The following GREB1 variants were observed in gnomAD, a reference collection of about 807,000 sequenced individuals.
GREB1 encodes protein GREB1.
In GREB1, 106 loss-of-function variants were observed where a neutral mutation model predicts 200.7. The observed-to-expected ratio is 0.53, with a 90% CI of 0.45 to 0.62. The LOEUF is 0.62. GREB1 is among the 20% of genes least tolerant of loss of function. The pLI is 0.00. For missense variants in GREB1, 2,243 were observed against 2,556.8 expected, an observed-to-expected ratio of 0.88 and a Z score of 2.65; for synonymous variants, 1,132 against 1,092.4, an observed-to-expected ratio of 1.04 and a Z score of -0.72.
chr2:11,629,860 C>A lies in GREB1; in HGVS notation c.4450-88C>A. ...GTAGGGAAGTGGTGACTGTGAGCTGCACGTTGTCACAGCAGAGTGGGCCTG... is the reference window on the plus strand; with the variant it reads ...GTAGGGAAGTGGTGACTGTGAGCTGAACGTTGTCACAGCAGAGTGGGCCTG... On this transcript the variant is annotated intron_variant, in intron 25 of 32. Coordinates refer to ENST00000381486, the MANE Select transcript of GREB1 (RefSeq NM_014668.4). The surrounding 1 kb of genome is among the most constrained non-coding windows in gnomAD (Gnocchi z 5.2). 2 of 1,307,488 alleles carry A rather than the reference C, an allele frequency of 1.5e-6. No individual in the cohort carries two copies. Among genetic ancestry groups the A allele is most frequent in the Non-Finnish European group, 2.2e-6 (2 of 922,440 alleles). The allele number at this position is 1,307,488 out of a possible 1,614,324, so 81.0% of individuals were successfully genotyped here.
chr2:11,519,226 T>A (rs1673620559), intron 1 of GREB1, among the ~76,000 whole-genome samples: 1 of 152,098 alleles, frequency 6.6e-6, no homozygotes, highest in African/African-American at 2.4e-5. Context: ...AGTAGTTTAA[T>A]AAAATTTAGA....
intron 4 of GREB1, among the ~76,000 whole-genome samples, chr2:11,574,124 C>T (rs1363017266): frequency 6.6e-6 from 1 of 152,200 alleles, no homozygotes; most frequent in Non-Finnish European, 1.5e-5. Flanking sequence ...CTTCAGAGTG[C>T]TTACAGAAAC....
At chr2:11,638,344 T>C (rs1444885852) in intron 31 of GREB1, among the ~76,000 whole-genome samples, 1 of 152,202 alleles carries the variant, frequency 6.6e-6, no homozygotes, top group East Asian at 1.9e-4. Flanking sequence ...TTTCACTATG[T>C]TGTCCAGGCT....
At chr2:11,558,237 G>A (rs867278022) in intron 2 of GREB1, among the ~76,000 whole-genome samples, 7 of 152,244 alleles carry the variant, frequency 4.6e-5, no homozygotes, top group Middle Eastern at 6.8e-3. Flanking sequence ...GTAGACTCAG[G>A]GCTGCCCACA....
At chr2:11,614,511 C>T (rs1043310258) in intron 19 of GREB1, among the ~76,000 whole-genome samples, 14 of 152,054 alleles carry the variant, frequency 9.2e-5, no homozygotes, top group African/African-American at 2.7e-4. Flanking sequence ...CGGCTTCTGT[C>T]GCTAGGAAGT....
intron 1 of GREB1, among the ~76,000 whole-genome samples, chr2:11,527,762 C>T (rs1021051101): frequency 1.2e-4 from 19 of 152,198 alleles, no homozygotes; most frequent in African/African-American, 4.6e-4. Flanking sequence ...GGAAGACAGA[C>T]ACTGAAGCAT....
At chr2:11,488,389 C>T (rs985928732) in intron 1 of GREB1, among the ~76,000 whole-genome samples, 2 of 152,132 alleles carry the variant, frequency 1.3e-5, no homozygotes, top group African/African-American at 4.8e-5. Flanking sequence ...GTAAGTCAAC[C>T]GAACGTTAGA....
intron 7 of GREB1, 94 bp from the exon 8 acceptor site, chr2:11,585,067 A>G (rs1679939622): frequency 1.6e-6 from 1 of 626,070 alleles, no homozygotes; most frequent in Non-Finnish European, 2.6e-6. Context: ...AAAAAAAACA[A>G]AACAAAACAG....
At chr2:11,491,677 G>A (rs76304425) in intron 1 of GREB1, among the ~76,000 whole-genome samples, 2,664 of 152,278 alleles carry the variant, frequency 0.017, 96 homozygotes, top group African/African-American at 0.062. Context: ...TTTTGTTCAT[G>A]AAAAGTGTTC....
intron 26 of GREB1, among the ~76,000 whole-genome samples, chr2:11,631,457 T>C (rs1054219367): frequency 6.6e-6 from 1 of 152,236 alleles, no homozygotes; most frequent in African/African-American, 2.4e-5. Context: ...TTCCGTTGCC[T>C]AACTATTCCC....
At chr2:11,613,179 A>ACTCGATGTC (rs1302482287) in intron 19 of GREB1, among the ~76,000 whole-genome samples, 1 of 151,798 alleles carries the variant, frequency 6.6e-6, no homozygotes, top group Non-Finnish European at 1.5e-5. Flanking sequence ...CCACATATCC[A>ACTCGATGTC]CTCGATGTCC....
Position 11,550,150 on chromosome 2 carries a change from G to A in GREB1, c.-161-6304G>A, listed in dbSNP as rs997465970. Among the ~76,000 whole-genome samples, 7 of 152,200 alleles carry A rather than the reference G, an allele frequency of 4.6e-5. No individual in the cohort carries two copies. In the East Asian group the frequency reaches 1.2e-3, roughly 25 times the overall value. ...GGAGAATCGCTTGAACCTGAGAGGC[G>A]AAGGTTGCAGTGAGCGAGATTGTGC... On this transcript the variant is annotated intron_variant, in intron 1 of 32. Transcript: ENST00000381486.
intron 8 of GREB1, 89 bp downstream of exon 8, chr2:11,585,363 T>A: frequency 1.3e-6 from 1 of 764,826 alleles, no homozygotes; most frequent in Non-Finnish European, 2.1e-6. Flanking sequence ...CGTGTGTGCG[T>A]GCGCACGAGT....
chr2:11,595,210 G>A (rs764527548), intron 11 of GREB1, 41 bp from the exon 12 acceptor site: 15 of 1,579,130 alleles, frequency 9.5e-6, no homozygotes, highest in African/African-American at 1.3e-5. Flanking sequence ...CCGTAAGCAG[G>A]GAAGATACAA....
chr2:11,587,732 CA>C, intron 9 of GREB1: 1 of 1,210,346 alleles, frequency 8.3e-7, no homozygotes, highest in African/African-American at 1.6e-5. Flanking sequence ...CACACACACA[CA>C]CACACACACG....
Position 11,642,743 on chromosome 2 carries a change from ATTCT to A in GREB1, c.*2291_*2294del, listed in dbSNP as rs1685884125. 2 of 152,204 alleles carry A rather than the reference ATTCT, an allele frequency of 1.3e-5. No homozygotes were observed. Among genetic ancestry groups the A allele is most frequent in the Non-Finnish European group, 2.9e-5 (2 of 68,030 alleles). The allele number at this position is 152,204 out of a possible 1,614,324, so 9.4% of individuals were successfully genotyped here. On this transcript the variant is annotated 3_prime_UTR_variant, in exon 33 of 33. Transcript: ENST00000381486. Reference sequence around the variant, plus strand: ...AATTGGAAAAAACCCTCAAACTAATATTCTTGTCTGTTCCAGTCTTATAAATAAA... The same window carrying A: ...AATTGGAAAAAACCCTCAAACTAATATGTCTGTTCCAGTCTTATAAATAAA...
intron 4 of GREB1, among the ~76,000 whole-genome samples, chr2:11,575,515 A>G (rs1167219763): frequency 6.6e-6 from 1 of 152,208 alleles, no homozygotes; most frequent in East Asian, 1.9e-4. Flanking sequence ...GGAAGCCTCC[A>G]TCACCTCCCA....
intron 1 of GREB1, among the ~76,000 whole-genome samples, chr2:11,489,329 C>A (rs1188403116): frequency 6.6e-6 from 1 of 151,908 alleles, no homozygotes; most frequent in Non-Finnish European, 1.5e-5. Flanking sequence ...CGTGGTGGCG[C>A]GTGCCTGTAA....
chr2:11,622,190 C>T (rs1684067451), intron 23 of GREB1, among the ~76,000 whole-genome samples: 1 of 152,192 alleles, frequency 6.6e-6, no homozygotes, highest in South Asian at 2.1e-4. Flanking sequence ...AAGTGATTCT[C>T]TTGTCTCAGC....
Sources: gnomAD v4.1 joint callset for allele counts (sites outside exome capture counted in the v4.1 genomes callset) on GRCh38, gnomAD v4.1.1 for gene constraint, Gnocchi (gnomAD v3.1) non-coding constraint, MANE v1.5 for transcripts, NCBI Gene and HGNC (gene_info 2026-07-23, HGNC 2026-07-21) for gene names.